Variants in TATDN3 observed in about 807,000 individuals in gnomAD.
TATDN3 encodes the protein deoxyribonuclease TATDN3.
In TATDN3, 29 loss-of-function variants were observed where a neutral mutation model predicts 40.1. The observed-to-expected ratio is 0.72, with a 90% CI of 0.54 to 0.99. The LOEUF (loss-of-function observed/expected upper bound fraction) is 0.99. TATDN3 is among the 50% of genes least tolerant of loss of function. The pLI, the probability that TATDN3 is intolerant of heterozygous loss-of-function variation, is 0.00. For missense variants in TATDN3, 309 were observed against 321.9 expected (o/e 0.96, Z 0.31); for synonymous variants, 105 against 117.0 (o/e 0.90, Z 0.66).
Position 212,795,106 on chromosome 1 carries a change from T to C in TATDN3, c.78T>C (p.Asp26=). ...TATGCTTGTTTTAGGATTTGGATGA[T>C]GTGTTGGAGAAAGCCAAGAAGGTAA... The part of the protein sequence containing the change: ...SAPDFDRDLD[D]VLEKAKKANV... Residue 26 remains aspartate (D), a synonymous_variant, in exon 2 of 10, where the codon GAT becomes GAC. Coordinates refer to ENST00000366974, the MANE Select transcript of TATDN3 (RefSeq NM_001042552.3). 6.2e-7 allele frequency: 1 copy of C among 1,612,278 alleles called. No homozygotes were observed. The highest frequency in any genetic ancestry group is 1.3e-5 in the African/African-American group (1 of 74,980).
intron 7 of TATDN3, among the ~76,000 whole-genome samples, chr1:212,806,938 T>TACACATA (rs1662576319): frequency 9.1e-6 from 1 of 109,314 alleles, no homozygotes; most frequent in Non-Finnish European, 2.0e-5. Flanking sequence ...ATATATTTAT[T>TACACATA]TATTTTATTT....
At chr1:212,806,978 C>CT (rs1186374533) in intron 7 of TATDN3, among the ~76,000 whole-genome samples, 8 of 149,070 alleles carry the variant, frequency 5.4e-5, no homozygotes, top group Admixed American at 2.0e-4. Context: ...GAGTCTCACT[C>CT]TGTCGCCCAG....
rs1663107907 is a variant in TATDN3, at chr1:212,814,998, G to C, written c.682-15G>C. On this transcript the variant is annotated splice_polypyrimidine_tract_variant and intron_variant, in intron 9 of 9. Coordinates refer to ENST00000366974, the MANE Select transcript of TATDN3 (RefSeq NM_001042552.3). ...CAGTGTCATGTTTGACATGGTGTCTGCTGTCTTGTTTCAGGTACGGAATGA... is the reference window on the plus strand; with the variant it reads ...CAGTGTCATGTTTGACATGGTGTCTCCTGTCTTGTTTCAGGTACGGAATGA... 1.2e-6 allele frequency: 2 copies of C among 1,608,588 alleles called. No individual in the cohort carries two copies. The highest frequency in any genetic ancestry group is 1.7e-6 in the Non-Finnish European group (2 of 1,177,852).
At chr1:212,795,262 T>TTTTATTTTATTTATTTATTTATTTA in intron 2 of TATDN3, 135 bp downstream of exon 2, 1 of 299,646 alleles carries the variant, frequency 3.3e-6, no homozygotes, top group East Asian at 6.9e-5. Flanking sequence ...ATTTTTATTA[T>TTTTATTTTATTTATTTATTTATTTA]TTTATTTATT....
At chr1:212,800,074 AG>A (rs1464971295) in intron 4 of TATDN3, among the ~76,000 whole-genome samples, 1 of 152,204 alleles carries the variant, frequency 6.6e-6, no homozygotes, top group Non-Finnish European at 1.5e-5. Context: ...CTAGGTATGT[AG>A]TAAGTATTCA....
At chr1:212,811,609 C>T (rs1287567008) in intron 8 of TATDN3, among the ~76,000 whole-genome samples, 3 of 151,710 alleles carry the variant, frequency 2.0e-5, no homozygotes, top group Non-Finnish European at 2.9e-5. Context: ...GGCGGAGTCT[C>T]GCTCTGTTGC....
intron 1 of TATDN3, 26 bp from the exon 2 acceptor site, chr1:212,795,069 A>G (rs747936874): frequency 7.5e-6 from 12 of 1,598,310 alleles, no homozygotes; most frequent in Admixed American, 1.7e-5. Flanking sequence ...ATCTAAAATA[A>G]TGGTGATTTC....
chr1:212,800,239 C>T (rs1373451400), intron 4 of TATDN3, among the ~76,000 whole-genome samples: 1 of 152,160 alleles, frequency 6.6e-6, no homozygotes, highest in Admixed American at 6.6e-5. Context: ...ACAAATGATG[C>T]TGGACGGGAC....
intron 2 of TATDN3, among the ~76,000 whole-genome samples, chr1:212,796,146 C>T (rs1661740684): frequency 6.6e-6 from 1 of 152,140 alleles, no homozygotes; most frequent in South Asian, 2.1e-4. Context: ...ATGATACAGC[C>T]AGAAATGGTT....
In TATDN3 at chr1:212,814,468, A is replaced by C. The variant is rs903528281; in HGVS notation, c.682-545A>C. On this transcript the variant is annotated intron_variant, in intron 9 of 9. Transcript: ENST00000366974. Reference sequence around the variant, plus strand: ...TTATGACCATTAAGAAAGAAAAAACACTGCCAGTTATACTATGAAATACCA... The same window carrying C: ...TTATGACCATTAAGAAAGAAAAAACCCTGCCAGTTATACTATGAAATACCA... Among the ~76,000 whole-genome samples the C allele has an allele frequency of 3.3e-5, 5 of 152,220 alleles. No homozygotes were observed. The South Asian group carries it at 1.0e-3, about 32-fold the overall frequency.
chr1:212,815,433 A>G lies in TATDN3; in HGVS notation c.*277A>G, dbSNP rs1648124631. 1 of 286,064 alleles carries G rather than the reference A, an allele frequency of 3.5e-6. No individual in the cohort carries two copies. Among genetic ancestry groups the G allele is most frequent in the Admixed American group, 4.9e-5 (1 of 20,614 alleles). The allele number at this position is 286,064 out of a possible 1,614,324, so 17.7% of individuals were successfully genotyped here. On this transcript the variant is annotated 3_prime_UTR_variant, in exon 10 of 10. Transcript: ENST00000366974. ...TTACATTGCCCTTTTATATAGAACC[A>G]CCACCTGAACTGAAACCATTGCTAC...
chr1:212,792,521 GCTA>G (rs1324929506), intron 1 of TATDN3, among the ~76,000 whole-genome samples: 1 of 148,604 alleles, frequency 6.7e-6, no homozygotes. Context: ...TGTGGTCCCA[GCTA>G]CTCGGGAGGC....
intron 6 of TATDN3, 57 bp from the exon 7 acceptor site, chr1:212,804,539 A>T: frequency 6.3e-7 from 1 of 1,582,280 alleles, no homozygotes; most frequent in Non-Finnish European, 8.6e-7. Flanking sequence ...ACTTTAATAG[A>T]TCAAAAACAA....
chr1:212,797,057 G>A (rs1346373097), intron 3 of TATDN3, 55 bp from the exon 4 acceptor site: 5 of 1,318,326 alleles, frequency 3.8e-6, no homozygotes, highest in East Asian at 2.3e-5. Flanking sequence ...TTTAGAATAC[G>A]TTGTAATCTA....
intron 4 of TATDN3, among the ~76,000 whole-genome samples, chr1:212,798,717 T>C (rs893531851): frequency 6.6e-6 from 1 of 152,158 alleles, no homozygotes; most frequent in Non-Finnish European, 1.5e-5. Flanking sequence ...TTTATACTAA[T>C]AGACATTCAT....
At chr1:212,812,145 T>G (rs1662923367) in intron 8 of TATDN3, 103 bp from the exon 9 acceptor site, 1 of 746,708 alleles carries the variant, frequency 1.3e-6, no homozygotes, top group Non-Finnish European at 2.1e-6. Context: ...AAGCATAAAT[T>G]TTAAGTTATT....
intron 7 of TATDN3, among the ~76,000 whole-genome samples, chr1:212,805,531 C>T (rs577973498): frequency 6.6e-6 from 1 of 152,298 alleles, no homozygotes; most frequent in African/African-American, 2.4e-5. Flanking sequence ...GCTGGGATTA[C>T]AGGCGTGAGC....
chr1:212,816,234 C>G lies in TATDN3; in HGVS notation c.*1078C>G, dbSNP rs1272709101. On this transcript the variant is annotated 3_prime_UTR_variant, in exon 10 of 10. Transcript: ENST00000366974. Reference sequence around the variant, plus strand: ...TGGCATTCACCTGTAGTGCCAACCACTCAGGAGGCTGAGATGGGAGACCTT... The same window carrying G: ...TGGCATTCACCTGTAGTGCCAACCAGTCAGGAGGCTGAGATGGGAGACCTT... The G allele has an allele frequency of 6.6e-6, 1 of 152,166 alleles. No individual in the cohort carries two copies. The highest frequency in any genetic ancestry group is 1.5e-5 in the Non-Finnish European group (1 of 68,040). The allele number at this position is 152,166 out of a possible 1,614,324, so 9.4% of individuals were successfully genotyped here.
intron 1 of TATDN3, 92 bp downstream of exon 1, chr1:212,792,079 C>T: frequency 8.0e-7 from 1 of 1,257,186 alleles, no homozygotes; most frequent in South Asian, 1.3e-5. Flanking sequence ...GGGACGAAAC[C>T]CCATATCCCC....
Sources: allele counts gnomAD v4.1 joint callset (sites outside exome capture counted in the v4.1 genomes callset), GRCh38; gene constraint gnomAD v4.1.1; transcripts MANE v1.5; gene names NCBI Gene and HGNC (gene_info 2026-07-23, HGNC 2026-07-21).